The following NCOA1 variants were observed in gnomAD, a reference collection of about 807,000 sequenced individuals.
NCOA1 encodes the protein Hin-2 protein.
Under a neutral mutation model 150.9 loss-of-function variants are expected in NCOA1, and 35 were observed. The observed-to-expected ratio is 0.23, with a 90% confidence interval of 0.18 to 0.31. NCOA1 has a LOEUF of 0.31. Ranked by LOEUF, NCOA1 falls within the 10% of genes least tolerant of loss-of-function variation. The pLI is 1.00. For synonymous variants in NCOA1, 590 were observed against 630.0 expected, an observed-to-expected ratio of 0.94 and a Z score of 0.95; for missense variants, 1,491 against 1,749.3, an observed-to-expected ratio of 0.85 and a Z score of 2.63.
rs1351031553 is a variant in NCOA1 at position 24,741,198 on chromosome 2, A to C, written c.3304-586A>C. Among the ~76,000 whole-genome samples, 3 of 152,164 alleles carry C rather than the reference A, an allele frequency of 2.0e-5. No individual in the cohort carries two copies. In the East Asian group the frequency reaches 5.8e-4, roughly 29 times the overall value. ...AAAGGTAGTACATGTTCATCGTAAT[A>C]ATTTGGTAAATATAGAAAAGTATAA... On this transcript the variant is annotated intron_variant, in intron 18 of 22. Coordinates refer to ENST00000348332, the MANE Select transcript of NCOA1 (RefSeq NM_003743.5).
intron 3 of NCOA1, among the ~76,000 whole-genome samples, chr2:24,639,211 T>G (rs1670068832): frequency 6.6e-6 from 1 of 152,030 alleles, no homozygotes; most frequent in Non-Finnish European, 1.5e-5. Flanking sequence ...GGACCTGGAG[T>G]TTTGTTTTGT....
intron 1 of NCOA1, among the ~76,000 whole-genome samples, chr2:24,494,926 ATTC>A: frequency 1.3e-5 from 2 of 152,240 alleles, no homozygotes; most frequent in South Asian, 4.1e-4. Context: ...CTCATGTTCT[ATTC>A]TTAACATTGA....
chr2:24,712,751 C>A (rs1673809297), intron 14 of NCOA1, among the ~76,000 whole-genome samples: 1 of 144,402 alleles, frequency 6.9e-6, no homozygotes. Context: ...GGACAAAGAA[C>A]AGAAAAAACT....
chr2:24,705,456 A>G (rs112042580), intron 12 of NCOA1, among the ~76,000 whole-genome samples: 2 of 152,302 alleles, frequency 1.3e-5, no homozygotes, highest in Admixed American at 6.5e-5. Flanking sequence ...GAGGCTGAAA[A>G]TCTGCTTTTT....
chr2:24,496,688 G>A (rs1172537189), intron 1 of NCOA1, among the ~76,000 whole-genome samples: 4 of 152,194 alleles, frequency 2.6e-5, no homozygotes, highest in Non-Finnish European at 5.9e-5. Flanking sequence ...GAGTTAAAGA[G>A]CCTTAAATGA....
intron 5 of NCOA1, among the ~76,000 whole-genome samples, chr2:24,662,944 C>T (rs887653555): frequency 4.7e-5 from 7 of 148,070 alleles, no homozygotes; most frequent in African/African-American, 1.2e-4. Flanking sequence ...CACACCATCA[C>T]GCCTGGCTAA....
In NCOA1 at chr2:24,768,515, GCAAAAAA is replaced by G; in HGVS notation, c.*125_*131del. 2.1e-5 allele frequency: 2 copies of G among 94,402 alleles called. No homozygotes were observed. The highest frequency in any genetic ancestry group is 1.7e-4 in the Admixed American group (1 of 5,996). 5.8% of individuals were successfully genotyped at this position (94,402 alleles called of 1,614,324 possible). On this transcript the variant is annotated 3_prime_UTR_variant, in exon 23 of 23. Coordinates refer to ENST00000348332, the MANE Select transcript of NCOA1 (RefSeq NM_003743.5). ...CATTCTTCAGGTCGTAGCATTTGGA[GCAAAAAA>G]AAAAAAAAAAAAAAAAAAAGGAGTT...
rs202108180 is a variant in NCOA1 at position 24,731,037 on chromosome 2, C to CAA, written c.3201+1239_3201+1240dup. 6.3e-3 allele frequency among the ~76,000 whole-genome samples: 386 copies of CAA among 61,428 alleles called. 3 individuals are homozygous for CAA. Among genetic ancestry groups the CAA allele is most frequent in the African/African-American group, 0.021 (356 of 16,622 alleles). The allele number at this position is 61,428 out of a possible 152,430, so 40.3% of individuals were successfully genotyped here. A position where few individuals can be genotyped will look rare whatever the true frequency, so the allele number is the denominator to read the frequency against. ...TGGGTGACAGAGCAAGACTCTGTCTCAAAAAAAAAAAAAAAAAAGCCAGCT... is the reference window on the plus strand; with the variant it reads ...TGGGTGACAGAGCAAGACTCTGTCTCAAAAAAAAAAAAAAAAAAAAGCCAGCT... On this transcript the variant is annotated intron_variant, in intron 17 of 22. Transcript: ENST00000348332.
intron 3 of NCOA1, among the ~76,000 whole-genome samples, chr2:24,603,024 G>A (rs141734707): frequency 5.3e-5 from 8 of 152,112 alleles, no homozygotes; most frequent in East Asian, 1.9e-4. Flanking sequence ...AAGATAAGAC[G>A]TACCTACAAG....
At chr2:24,632,605 C>T (rs956542471) in intron 3 of NCOA1, among the ~76,000 whole-genome samples, 1 of 152,062 alleles carries the variant, frequency 6.6e-6, no homozygotes, top group Non-Finnish European at 1.5e-5. Flanking sequence ...TTATTGGCTC[C>T]CAAATTGAAA....
At chr2:24,717,382 C>T (rs530423178) in intron 14 of NCOA1, among the ~76,000 whole-genome samples, 15 of 152,220 alleles carry the variant, frequency 9.9e-5, no homozygotes, top group Admixed American at 3.9e-4. Flanking sequence ...TGAGAAGAAG[C>T]CAATCTGAAA....
rs140569222 is a variant in NCOA1 at position 24,645,045 on chromosome 2, T to C, written c.-18+923T>C. ...TGAAGTTAAAGGCAGTAAAATTTAG[T>C]TGGCCAACAATGCCTGTGTTTGGAA... is the stretch of plus-strand genomic sequence containing the variant. On this transcript the variant is annotated intron_variant, in intron 4 of 22. Transcript: ENST00000348332. 6.2e-3 allele frequency among the ~76,000 whole-genome samples: 942 copies of C among 152,254 alleles called. 3 individuals carry two copies. Among genetic ancestry groups the C allele is most frequent in the Non-Finnish European group, 9.3e-3 (630 of 68,006 alleles).
intron 3 of NCOA1, among the ~76,000 whole-genome samples, chr2:24,601,109 GT>G (rs147890856): frequency 1.5e-4 from 22 of 147,992 alleles, no homozygotes; most frequent in East Asian, 4.0e-4. Context: ...TAGTTTTAGT[GT>G]TTTTTTTTTA....
chr2:24,704,512 T>TA (rs1254288152), intron 11 of NCOA1, among the ~76,000 whole-genome samples: 1 of 152,130 alleles, frequency 6.6e-6, no homozygotes, highest in African/African-American at 2.4e-5. Flanking sequence ...CGCGGTGGCT[T>TA]ACGCCTGTAA....
chr2:24,667,571 A>T (rs1671487966), intron 6 of NCOA1, among the ~76,000 whole-genome samples: 1 of 152,260 alleles, frequency 6.6e-6, no homozygotes, highest in African/African-American at 2.4e-5. Flanking sequence ...CCTGGGAGAC[A>T]TGAGGGAAGG....
rs1315165464 is a variant in NCOA1 at position 24,523,621 on chromosome 2, A to AAAG, written c.-396+32021_-396+32022insGAA. 5.3e-5 allele frequency among the ~76,000 whole-genome samples: 7 copies of AAAG among 132,400 alleles called. 1 individual carries two copies. The highest frequency in any genetic ancestry group is 1.2e-4 in the Non-Finnish European group (7 of 60,738). 86.9% of individuals were successfully genotyped at this position (132,400 alleles called of 152,430 possible). ...ACTCCGTCTCAAAAAAAAAAAAAAA[A>AAAG]AAAAAAAAAGAAACTGGGCTTTTTG... On this transcript the variant is annotated intron_variant, in intron 1 of 22. Transcript: ENST00000348332.
At chr2:24,573,899 AAT>A (rs1666843837) in intron 2 of NCOA1, among the ~76,000 whole-genome samples, 2 of 152,082 alleles carry the variant, frequency 1.3e-5, no homozygotes. Flanking sequence ...GAAGTAGATT[AAT>A]AGTCTTTGTT....
At chr2:24,495,430 G>C (rs561964202) in intron 1 of NCOA1, among the ~76,000 whole-genome samples, 4 of 152,122 alleles carry the variant, frequency 2.6e-5, no homozygotes, top group Non-Finnish European at 5.9e-5. Context: ...GTCACTCGAG[G>C]AGTTATGGAA....
intron 2 of NCOA1, among the ~76,000 whole-genome samples, chr2:24,567,431 T>C (rs1037689780): frequency 3.3e-5 from 5 of 152,194 alleles, no homozygotes; most frequent in Admixed American, 3.3e-4. Context: ...AGTCTAGATA[T>C]GGGGAAGAAT....
Sources: gnomAD v4.1 joint callset for allele counts (sites outside exome capture counted in the v4.1 genomes callset) on GRCh38, gnomAD v4.1.1 for gene constraint, MANE v1.5 for transcripts, NCBI Gene and HGNC (gene_info 2026-07-23, HGNC 2026-07-21) for gene names.